Variants in PIK3CD observed in about 807,000 individuals in gnomAD.
The protein encoded by PIK3CD is phosphatidylinositol-4,5-bisphosphate 3-kinase catalytic subunit delta, also known as phosphatidylinositol 4,5-bisphosphate 3-kinase catalytic subunit delta isoform.
Under a neutral mutation model 122.9 loss-of-function variants are expected in PIK3CD, and 20 were observed. That is an observed-to-expected ratio of 0.16 (90% CI 0.11 to 0.24). PIK3CD has a LOEUF of 0.24. Ranked by LOEUF, PIK3CD falls within the 10% of genes least tolerant of loss-of-function variation. The probability of loss-of-function intolerance (pLI) is 1.00; values close to 1 mark genes in which losing one functional copy is unlikely to be tolerated. For synonymous variants in PIK3CD, 596 were observed against 593.4 expected (o/e 1.00, Z -0.06); for missense variants, 787 against 1,406.3 (o/e 0.56, Z 7.04).
chr1:9,649,108 C>CAAACAAACAAAA (rs1306110389), upstream of PIK3CD, among the ~76,000 whole-genome samples: 1 of 151,592 alleles, frequency 6.6e-6, no homozygotes, highest in African/African-American at 2.4e-5. Flanking sequence ...TCTCAACAAA[C>CAAACAAACAAAA]AAACAAACAA....
chr1:9,711,036 C>T (rs1050639745), intron 3 of PIK3CD, among the ~76,000 whole-genome samples: 20 of 152,150 alleles, frequency 1.3e-4, no homozygotes, highest in Non-Finnish European at 2.4e-4. Flanking sequence ...CCACCTGCCT[C>T]GGCCTCCCAA....
the PIK3CD span, among the ~76,000 whole-genome samples, chr1:9,635,974 G>C: frequency 6.6e-6 from 1 of 152,200 alleles, no homozygotes; most frequent in East Asian, 1.9e-4. Context: ...AGAGGGATTC[G>C]CTCTGACTTG....
In PIK3CD at chr1:9,721,779, G is replaced by A. The variant is rs113257776; in HGVS notation, c.1974G>A (p.Pro658=). The A allele has an allele frequency of 1.6e-5, 26 of 1,613,230 alleles. No individual in the cohort carries two copies. Among genetic ancestry groups the A allele is most frequent in the East Asian group, 1.1e-4 (5 of 44,872 alleles). The part of the protein sequence containing the change: ...FWHLRSEMHV[P]SVALRFGLIL... ...CTTCCAGCTCCGAGATGCACGTGCC[G>A]TCGGTGGCCCTGCGCTTCGGCCTCA... The change falls in exon 16 of 24, where the codon CCG becomes CCA. Residue 658 remains proline (P), a synonymous_variant. Transcript: ENST00000377346.
the PIK3CD span, among the ~76,000 whole-genome samples, chr1:9,632,099 G>A: frequency 4.0e-5 from 6 of 151,636 alleles, no homozygotes; most frequent in Admixed American, 6.6e-5. Context: ...TGCAACCTCC[G>A]CCTCCTGGGT....
rs75784017 is a variant in PIK3CD, at chr1:9,707,208, T to G, written c.-32-3216T>G. On this transcript the variant is annotated intron_variant, in intron 2 of 23. Transcript: ENST00000377346. ...TTGGGCAACACTCAGCACTCTCCGATGAGCACAAGGGGATGGATTCAAGAA... is the reference window on the plus strand; with the variant it reads ...TTGGGCAACACTCAGCACTCTCCGAGGAGCACAAGGGGATGGATTCAAGAA... Among the ~76,000 whole-genome samples, 836 of 152,086 alleles carry G rather than the reference T, an allele frequency of 5.5e-3. 6 individuals are homozygous for G. Among genetic ancestry groups the G allele is most frequent in the Middle Eastern group, 0.031 (9 of 294 alleles).
At chr1:9,699,319 A>G (rs1055799099) in intron 2 of PIK3CD, among the ~76,000 whole-genome samples, 2 of 152,160 alleles carry the variant, frequency 1.3e-5, no homozygotes, top group Non-Finnish European at 2.9e-5. Context: ...CTTGCTGTAC[A>G]TGTCCTGCAC....
intron 1 of PIK3CD, among the ~76,000 whole-genome samples, chr1:9,675,899 A>G (rs994513035): frequency 3.3e-5 from 5 of 150,000 alleles, no homozygotes; most frequent in African/African-American, 1.2e-4. Flanking sequence ...CTGAGCAGTT[A>G]GGACTACTGT....
At chr1:9,658,339 T>TA in intron 1 of PIK3CD, among the ~76,000 whole-genome samples, 1 of 149,126 alleles carries the variant, frequency 6.7e-6, no homozygotes, top group South Asian at 2.1e-4. Context: ...TGAGCTATGG[T>TA]TGCAACACTG....
At chr1:9,716,385 C>T in intron 5 of PIK3CD, 55 bp from the exon 6 acceptor site, 1 of 1,577,196 alleles carries the variant, frequency 6.3e-7, no homozygotes, top group South Asian at 1.1e-5. Flanking sequence ...TGCCCTGTGC[C>T]CCAGAACCCC....
Position 9,717,141 on chromosome 1 carries a change from C to T in PIK3CD, c.930+33C>T. 1.2e-6 allele frequency: 2 copies of T among 1,613,284 alleles called. No individual in the cohort carries two copies. Among genetic ancestry groups the T allele is most frequent in the Admixed American group, 1.7e-5 (1 of 60,028 alleles). On this transcript the variant is annotated intron_variant, in intron 7 of 23. Coordinates refer to ENST00000377346, the MANE Select transcript of PIK3CD (RefSeq NM_005026.5). The surrounding 1 kb of genome is among the most constrained non-coding windows in gnomAD (Gnocchi z 5.4). Reference sequence around the variant, plus strand: ...GGCGCCTTCCGCCTCCCCTCTGAGCCACCCCTTCTTTCCACCTGGCGTCCA... The same window carrying T: ...GGCGCCTTCCGCCTCCCCTCTGAGCTACCCCTTCTTTCCACCTGGCGTCCA...
chr1:9,673,027 T>G (rs995193393), intron 1 of PIK3CD, among the ~76,000 whole-genome samples: 2 of 152,186 alleles, frequency 1.3e-5, no homozygotes, highest in East Asian at 3.9e-4. Flanking sequence ...AGGGCTTATG[T>G]TTGAGTAGGT....
chr1:9,630,154 G>A, the PIK3CD span, among the ~76,000 whole-genome samples: 2,013 of 152,322 alleles, frequency 0.013, 47 homozygotes, highest in African/African-American at 0.046. Context: ...GAATGCCTCC[G>A]GGATTGGACT....
At chr1:9,665,206 A>G (rs1645123164) in intron 1 of PIK3CD, among the ~76,000 whole-genome samples, 1 of 140,874 alleles carries the variant, frequency 7.1e-6, no homozygotes, top group Non-Finnish European at 1.6e-5. Flanking sequence ...CCTGTCAAAA[A>G]AAAAAAAAAA....
At chr1:9,714,500 G>GT (rs944677166) in intron 3 of PIK3CD, among the ~76,000 whole-genome samples, 1 of 152,108 alleles carries the variant, frequency 6.6e-6, no homozygotes, top group Non-Finnish European at 1.5e-5. Context: ...TTTATTAGGG[G>GT]TTTTTTTGTT....
At chr1:9,711,418 G>A (rs1263228857) in intron 3 of PIK3CD, among the ~76,000 whole-genome samples, 1 of 152,278 alleles carries the variant, frequency 6.6e-6, no homozygotes, top group African/African-American at 2.4e-5. Flanking sequence ...ACGTCCATGA[G>A]TTGTTGAAAG....
Position 9,707,543 on chromosome 1 carries a change from G to A in PIK3CD, c.-32-2881G>A, listed in dbSNP as rs7551738. ...ACCCTCCACCCTCAGGCCCCCGTGT[G>A]TGCTGTTCCCCTCTGTGTGTCCATG... On this transcript the variant is annotated intron_variant, in intron 2 of 23. Coordinates refer to ENST00000377346, the MANE Select transcript of PIK3CD (RefSeq NM_005026.5). Among the ~76,000 whole-genome samples the A allele has an allele frequency of 4.3e-3, 653 of 152,022 alleles. 3 individuals are homozygous for A. Among genetic ancestry groups the A allele is most frequent in the Middle Eastern group, 0.02 (6 of 294 alleles).
At chr1:9,646,606 T>C in the PIK3CD span, among the ~76,000 whole-genome samples, 1 of 152,314 alleles carries the variant, frequency 6.6e-6, no homozygotes, top group South Asian at 2.1e-4. Flanking sequence ...TCCGAGCTGA[T>C]AAGCGTTGTC....
In PIK3CD at chr1:9,715,798, G is replaced by C. The variant is rs371516767; in HGVS notation, c.370+29G>C. On this transcript the variant is annotated intron_variant, in intron 4 of 23. Coordinates refer to ENST00000377346, the MANE Select transcript of PIK3CD (RefSeq NM_005026.5). This position sits in a 1 kb window ranked among gnomAD's most constrained non-coding sequence, Gnocchi z 4.1. ...GCTCTGCCGAGTGGGCCGTGTGGCC[G>C]GGCTGGCCCTGCCTGCCCCACCCGC... 1.2e-6 allele frequency: 2 copies of C among 1,612,114 alleles called. No homozygotes were observed. Among genetic ancestry groups the C allele is most frequent in the Admixed American group, 3.3e-5 (2 of 59,996 alleles).
chr1:9,630,084 G>C, the PIK3CD span, among the ~76,000 whole-genome samples: 11 of 152,332 alleles, frequency 7.2e-5, no homozygotes, highest in South Asian at 1.0e-3. Context: ...CCCACGGGGG[G>C]AGCAGAGGAG....
Sources: gnomAD v4.1 joint callset for allele counts (sites outside exome capture counted in the v4.1 genomes callset) on GRCh38, gnomAD v4.1.1 for gene constraint, Gnocchi (gnomAD v3.1) non-coding constraint, MANE v1.5 for transcripts, NCBI Gene and HGNC (gene_info 2026-07-23, HGNC 2026-07-21) for gene names.